CAMK4: variants seen among roughly 807,000 people sequenced by gnomAD.
CAMK4 encodes the protein calcium/calmodulin dependent protein kinase IV.
CAMK4 carries 22 observed loss-of-function variants against 44.9 expected under a neutral mutation model. The ratio of observed to expected loss-of-function variants is 0.49; its 90% CI spans 0.35 to 0.70. The LOEUF (loss-of-function observed/expected upper bound fraction) is 0.70. Among genes scored for constraint, CAMK4 ranks in the 30% least tolerant of loss-of-function variants. The pLI is 0.01. For missense variants in CAMK4, 498 were observed against 586.8 expected (o/e 0.85, Z 1.56); for synonymous variants, 218 against 215.4 (o/e 1.01, Z -0.11).
At chr5:111,331,564 T>C (rs939689043) in intron 1 of CAMK4, among the ~76,000 whole-genome samples, 1 of 151,750 alleles carries the variant, frequency 6.6e-6, no homozygotes, top group Non-Finnish European at 1.5e-5. Context: ...GTAAGATCAT[T>C]TGTGTATAAC....
intron 4 of CAMK4, among the ~76,000 whole-genome samples, chr5:111,393,536 A>G (rs1251566704): frequency 1.3e-5 from 2 of 152,158 alleles, no homozygotes; most frequent in African/African-American, 2.4e-5. Context: ...ACACCATGCA[A>G]TACTATGTAG....
chr5:111,227,423 T>TA (rs1748245450), intron 1 of CAMK4, among the ~76,000 whole-genome samples: 1 of 152,246 alleles, frequency 6.6e-6, no homozygotes, highest in Non-Finnish European at 1.5e-5. Context: ...CTTCTGGTGT[T>TA]ACGTGTTGCT....
intron 6 of CAMK4, 117 bp downstream of exon 6, chr5:111,446,893 A>G: frequency 1.4e-6 from 1 of 729,732 alleles, no homozygotes; most frequent in Non-Finnish European, 2.5e-6. Flanking sequence ...TTTCCTGAAT[A>G]ATTGACATCT....
rs1355464296 is a variant in CAMK4, at chr5:111,230,560, TG to T, written c.161+5921del. Among the ~76,000 whole-genome samples the T allele has an allele frequency of 9.0e-5, 12 of 133,194 alleles. 1 individual carries two copies. The highest frequency in any genetic ancestry group is 5.0e-4 in the South Asian group (2 of 3,980). 87.4% of individuals were successfully genotyped at this position (133,194 alleles called of 152,430 possible). ...CAAGGTTAAAAATAACTCCAGATTT[TG>T]GGGGAAAAAAAAAAAAAAGACACAG... On this transcript the variant is annotated intron_variant, in intron 1 of 10. Coordinates refer to ENST00000282356, the MANE Select transcript of CAMK4 (RefSeq NM_001744.6).
chr5:111,360,783 G>A (rs1057108544), intron 2 of CAMK4, among the ~76,000 whole-genome samples: 4 of 152,004 alleles, frequency 2.6e-5, no homozygotes, highest in Non-Finnish European at 5.9e-5. Flanking sequence ...GAAGCTCTGG[G>A]TTCAATTCAT....
intron 1 of CAMK4, among the ~76,000 whole-genome samples, chr5:111,339,992 G>T (rs10079893): frequency 0.12 from 17,815 of 150,684 alleles, 1,843 homozygotes; most frequent in African/African-American, 0.27. Context: ...ATTGTAAATT[G>T]AATTATTTTC....
intron 1 of CAMK4, among the ~76,000 whole-genome samples, chr5:111,303,231 C>A (rs1747809650): frequency 8.6e-6 from 1 of 115,846 alleles, no homozygotes; most frequent in Non-Finnish European, 1.7e-5. Flanking sequence ...AGCAACGGAA[C>A]AAAGCTGGAT....
At chr5:111,392,857 T>A (rs951878277) in intron 4 of CAMK4, among the ~76,000 whole-genome samples, 2 of 152,158 alleles carry the variant, frequency 1.3e-5, no homozygotes, top group African/African-American at 4.8e-5. Flanking sequence ...GGTATTATAT[T>A]ATACTGGATA....
chr5:111,467,473 G>C (rs1754882489), intron 7 of CAMK4, among the ~76,000 whole-genome samples: 1 of 146,918 alleles, frequency 6.8e-6, no homozygotes, highest in South Asian at 2.1e-4. Flanking sequence ...CTAATATCCA[G>C]AATCTACAAG....
chr5:111,440,407 T>G (rs1404692531), intron 5 of CAMK4, among the ~76,000 whole-genome samples: 1 of 151,984 alleles, frequency 6.6e-6, no homozygotes, highest in Non-Finnish European at 1.5e-5. Flanking sequence ...TTGACAAAAC[T>G]ATAGTAAGAA....
At position 111,318,185 on chromosome 5, in the gene CAMK4, A is replaced by T. The variant is rs368982119; in HGVS notation, c.162-25839A>T. ...GAAGTGTGTTATCTATCTATGACAC[A>T]AAATGGCTTACTAAGTAATAGCCTG... On this transcript the variant is annotated intron_variant, in intron 1 of 10. Coordinates refer to ENST00000282356, the MANE Select transcript of CAMK4 (RefSeq NM_001744.6). 1.6e-3 allele frequency among the ~76,000 whole-genome samples: 251 copies of T among 152,316 alleles called. No individual in the cohort carries two copies. The Middle Eastern group carries it at 0.024, about 14-fold the overall frequency.
chr5:111,273,180 C>G (rs1278936663), intron 1 of CAMK4, among the ~76,000 whole-genome samples: 1 of 152,096 alleles, frequency 6.6e-6, no homozygotes, highest in Non-Finnish European at 1.5e-5. Flanking sequence ...TCATTAATTA[C>G]TTTCTATATT....
chr5:111,387,802 C>G (rs2112848441), intron 4 of CAMK4, among the ~76,000 whole-genome samples: 1 of 152,304 alleles, frequency 6.6e-6, no homozygotes, highest in Non-Finnish European at 1.5e-5. Flanking sequence ...AATAATTTTA[C>G]CACAGTGCCC....
rs966752930 is a variant in CAMK4, at chr5:111,494,693, A to G, written c.*10227A>G. On this transcript the variant is annotated 3_prime_UTR_variant, in exon 11 of 11. Coordinates refer to ENST00000282356, the MANE Select transcript of CAMK4 (RefSeq NM_001744.6). ...GGTGTTTTCTAGGAACTTGAAGAGT[A>G]CGTGACATTATAAAAAATGGGTGTT... The G allele has an allele frequency of 2.0e-5, 3 of 152,062 alleles. No individual in the cohort carries two copies. Among genetic ancestry groups the G allele is most frequent in the Non-Finnish European group, 4.4e-5 (3 of 68,006 alleles). The allele number at this position is 152,062 out of a possible 1,614,324, so 9.4% of individuals were successfully genotyped here.
At chr5:111,478,595 C>T in intron 9 of CAMK4, 88 bp downstream of exon 9, 1 of 543,408 alleles carries the variant, frequency 1.8e-6, no homozygotes, top group Non-Finnish European at 3.0e-6. Flanking sequence ...AAAATTTTAC[C>T]CATATTAATG....
intron 2 of CAMK4, among the ~76,000 whole-genome samples, chr5:111,349,556 T>A (rs531118616): frequency 6.6e-6 from 1 of 152,124 alleles, no homozygotes; most frequent in Non-Finnish European, 1.5e-5. Context: ...TGTCAAAATT[T>A]GAACAAATTA....
chr5:111,415,620 C>T (rs1752787976), intron 5 of CAMK4, among the ~76,000 whole-genome samples: 1 of 152,158 alleles, frequency 6.6e-6, no homozygotes, highest in Non-Finnish European at 1.5e-5. Flanking sequence ...TTTCAGGCAT[C>T]TACTGGAGGT....
chr5:111,442,365 C>T (rs569731029), intron 5 of CAMK4, among the ~76,000 whole-genome samples: 4 of 152,096 alleles, frequency 2.6e-5, no homozygotes, highest in East Asian at 3.9e-4. Flanking sequence ...GGCATGGTGG[C>T]GCGTGCCTGT....
At chr5:111,392,407 A>T (rs141720331) in intron 4 of CAMK4, among the ~76,000 whole-genome samples, 4 of 152,110 alleles carry the variant, frequency 2.6e-5, no homozygotes, top group Admixed American at 1.3e-4. Context: ...CCATGATCCA[A>T]TCACCTCCCA....
Sources: allele counts gnomAD v4.1 joint callset (sites outside exome capture counted in the v4.1 genomes callset), GRCh38; gene constraint gnomAD v4.1.1; transcripts MANE v1.5; gene names NCBI Gene and HGNC (gene_info 2026-07-23, HGNC 2026-07-21).